The following CNBD2 variants were observed in gnomAD, a reference collection of about 807,000 sequenced individuals.
The protein encoded by CNBD2 is cyclic nucleotide binding domain containing 2, also known as cyclic nucleotide-binding domain-containing protein 2.
CNBD2 carries 64 observed loss-of-function variants against 63.7 expected under a neutral mutation model. The ratio of observed to expected loss-of-function variants is 1.00; its 90% CI spans 0.82 to 1.24. The LOEUF (loss-of-function observed/expected upper bound fraction) is 1.24, where lower values mean the gene tolerates loss of function less well. CNBD2 is among the 50% of genes most tolerant of loss of function. The pLI is 0.00. For missense variants in CNBD2, 691 were observed against 713.5 expected (o/e 0.97, Z 0.36); for synonymous variants, 229 against 255.4 (o/e 0.90, Z 0.99).
chr20:35,997,695 C>T (rs1601061909), intron 8 of CNBD2, among the ~76,000 whole-genome samples: 2 of 152,272 alleles, frequency 1.3e-5, no homozygotes, highest in African/African-American at 4.8e-5. Flanking sequence ...AGAACACTAC[C>T]TGGCTGCATA....
intron 9 of CNBD2, 50 bp from the exon 10 acceptor site, chr20:36,011,087 G>A (rs2057052582): frequency 7.0e-7 from 1 of 1,432,086 alleles, no homozygotes; most frequent in Admixed American, 2.4e-5. Flanking sequence ...CAGGGCCTCA[G>A]GAGCAGACTG....
At chr20:35,986,272 TG>T (rs1481313561) in intron 6 of CNBD2, among the ~76,000 whole-genome samples, 2 of 151,984 alleles carry the variant, frequency 1.3e-5, no homozygotes, top group Non-Finnish European at 2.9e-5. Flanking sequence ...TGGCTGGGGC[TG>T]AGAGAGGTAG....
intron 10 of CNBD2, among the ~76,000 whole-genome samples, chr20:36,022,569 A>G (rs1374857687): frequency 1.3e-5 from 2 of 151,928 alleles, no homozygotes; most frequent in African/African-American, 4.8e-5. Flanking sequence ...TCCTGACCTC[A>G]GGTGATCAGC....
At chr20:35,991,086 A>C (rs1009714330) in intron 7 of CNBD2, among the ~76,000 whole-genome samples, 1 of 152,268 alleles carries the variant, frequency 6.6e-6, no homozygotes, top group Non-Finnish European at 1.5e-5. Context: ...GAAATAGAAC[A>C]GTATATCACA....
intron 11 of CNBD2, 152 bp downstream of exon 11, chr20:36,023,923 C>G (rs2057252554): frequency 6.9e-6 from 4 of 580,136 alleles, no homozygotes; most frequent in Non-Finnish European, 1.2e-5. Context: ...AGGCTCAATC[C>G]TTTTGATAAT....
intron 10 of CNBD2, among the ~76,000 whole-genome samples, chr20:36,011,904 C>T (rs1172223586): frequency 6.6e-6 from 1 of 152,134 alleles, no homozygotes; most frequent in Admixed American, 6.6e-5. Flanking sequence ...GGCACAGTAG[C>T]CCCAGCACTT....
intron 3 of CNBD2, among the ~76,000 whole-genome samples, chr20:35,977,542 G>T (rs995210958): frequency 6.6e-6 from 1 of 152,314 alleles, no homozygotes; most frequent in South Asian, 2.1e-4. Flanking sequence ...GCTAGGCACG[G>T]TGGCTCACAC....
At chr20:35,998,040 C>CTTTTTTTTT (rs1046661526) in intron 8 of CNBD2, among the ~76,000 whole-genome samples, 8 of 127,116 alleles carry the variant, frequency 6.3e-5, no homozygotes, top group South Asian at 2.5e-4. Context: ...TTTTCTTTTT[C>CTTTTTTTTT]TTTTTTTTTT....
rs1460962850 is a variant in CNBD2 at position 35,984,204 on chromosome 20, G to GA, written c.564+68dup. 8 of 1,512,814 alleles carry GA rather than the reference G, an allele frequency of 5.3e-6. No individual in the cohort carries two copies. The African/African-American group carries it at 9.7e-5, about 18-fold the overall frequency. The allele number at this position is 1,512,814 out of a possible 1,614,324, so 93.7% of individuals were successfully genotyped here. On this transcript the variant is annotated intron_variant, in intron 5 of 11. Transcript: ENST00000373973. The stretch of plus-strand genomic sequence containing the variant: ...GGTGGAGGTGACAGGACTTCTGCTA[G>GA]AACCTCTCAGCCAGGCCCAGTCCTG...
At chr20:35,976,825 T>G (rs1425649086) in intron 3 of CNBD2, among the ~76,000 whole-genome samples, 1 of 152,048 alleles carries the variant, frequency 6.6e-6, no homozygotes, top group African/African-American at 2.4e-5. Flanking sequence ...TGGCTTGGAG[T>G]AGCCACGTTG....
chr20:36,020,557 C>T (rs6060756), intron 10 of CNBD2, among the ~76,000 whole-genome samples: 44,151 of 152,094 alleles, frequency 0.29, 8,264 homozygotes, highest in African/African-American at 0.53. Context: ...ATTACCATTT[C>T]ATCATCATTG....
chr20:35,978,041 A>G (rs1339539793), intron 3 of CNBD2, among the ~76,000 whole-genome samples: 1 of 152,238 alleles, frequency 6.6e-6, no homozygotes, highest in Admixed American at 6.5e-5. Context: ...GCTTAGAATC[A>G]TAGACTCAAT....
intron 9 of CNBD2, 88 bp from the exon 10 acceptor site, chr20:36,011,049 A>G: frequency 7.8e-7 from 1 of 1,286,670 alleles, no homozygotes; most frequent in Non-Finnish European, 1.0e-6. Flanking sequence ...GGAGCCCTCC[A>G]TGTGCAGAAG....
At chr20:35,954,563 T>G, upstream of CNBD2, 3 of 1,464,880 alleles carry the variant, frequency 2.0e-6, no homozygotes, top group Non-Finnish European at 9.1e-7. Flanking sequence ...CGGCGCCCTC[T>G]AGCGTTCTCG....
intron 8 of CNBD2, among the ~76,000 whole-genome samples, chr20:36,006,603 G>A (rs1390912951): frequency 1.3e-5 from 2 of 152,072 alleles, no homozygotes; most frequent in Non-Finnish European, 2.9e-5. Flanking sequence ...GTTTTGTAGA[G>A]ACGGGGGTTT....
intron 7 of CNBD2, among the ~76,000 whole-genome samples, chr20:35,988,416 C>G (rs1408857332): frequency 6.6e-6 from 1 of 152,134 alleles, no homozygotes; most frequent in Non-Finnish European, 1.5e-5. Flanking sequence ...AGTGATCTGC[C>G]TGCCTCAGCC....
Position 35,982,893 on chromosome 20 carries a change from T to C in CNBD2, c.408-1089T>C, listed in dbSNP as rs114255870. 5.3e-3 allele frequency among the ~76,000 whole-genome samples: 813 copies of C among 152,138 alleles called. 5 individuals are homozygous for C. The highest frequency in any genetic ancestry group is 0.019 in the African/African-American group (786 of 41,522). The stretch of plus-strand genomic sequence containing the variant: ...ACATTTGGCTAATCTTTGCATTTTT[T>C]GTAGAGATGAGGTTTCACCTTGTTG... On this transcript the variant is annotated intron_variant, in intron 4 of 11. Transcript: ENST00000373973.
intron 10 of CNBD2, among the ~76,000 whole-genome samples, chr20:36,016,479 TAAAACTG>T (rs1303100998): frequency 6.6e-6 from 1 of 152,116 alleles, no homozygotes; most frequent in East Asian, 1.9e-4. Flanking sequence ...CCTGTAAATC[TAAAACTG>T]TTTTAGAAAA....
chr20:35,993,815 C>A (rs1474088905), intron 7 of CNBD2, among the ~76,000 whole-genome samples: 3 of 150,652 alleles, frequency 2.0e-5, no homozygotes, highest in African/African-American at 7.3e-5. Flanking sequence ...CAAAGAACTC[C>A]TGTAGCTGGA....
Sources: allele counts gnomAD v4.1 joint callset (sites outside exome capture counted in the v4.1 genomes callset), GRCh38; gene constraint gnomAD v4.1.1; transcripts MANE v1.5; gene names NCBI Gene and HGNC (gene_info 2026-07-23, HGNC 2026-07-21).